Variants in GLDC observed in about 807,000 individuals in gnomAD.
GLDC encodes glycine dehydrogenase (decarboxylating), mitochondrial.
Under a neutral mutation model 121.3 loss-of-function variants are expected in GLDC, and 104 were observed. The observed-to-expected ratio is 0.86, with a 90% confidence interval of 0.73 to 1.01. The LOEUF (loss-of-function observed/expected upper bound fraction) is 1.01, where lower values mean the gene tolerates loss of function less well. Among genes scored for constraint, GLDC ranks in the 50% least tolerant of loss-of-function variants. The pLI, the probability that GLDC is intolerant of heterozygous loss-of-function variation, is 0.00. For synonymous variants in GLDC, 546 were observed against 480.6 expected (o/e 1.14, Z -1.78); for missense variants, 1,429 against 1,306.6 (o/e 1.09, Z -1.44).
intron 3 of GLDC, among the ~76,000 whole-genome samples, chr9:6,613,487 C>G (rs895002852): frequency 2.0e-5 from 3 of 152,136 alleles, no homozygotes; most frequent in Non-Finnish European, 4.4e-5. Context: ...GTTTTTGTAT[C>G]TTAACTTTTT....
intron 16 of GLDC, among the ~76,000 whole-genome samples, chr9:6,564,475 G>T (rs207470078): frequency 6.6e-6 from 1 of 152,142 alleles, no homozygotes; most frequent in African/African-American, 2.4e-5. Flanking sequence ...CTAAGATCGG[G>T]CCACTACCAC....
intron 3 of GLDC, among the ~76,000 whole-genome samples, chr9:6,617,682 T>A (rs754883401): frequency 1.2e-4 from 18 of 152,324 alleles, no homozygotes; most frequent in Non-Finnish European, 2.5e-4. Flanking sequence ...GGGACAGCAA[T>A]ACTGGAATGA....
intron 9 of GLDC, chr9:6,593,192 A>C: frequency 1.7e-6 from 1 of 576,286 alleles, no homozygotes; most frequent in South Asian, 2.1e-5. Context: ...AGAGTAAGGA[A>C]AATCAACATA....
rs1306326804 is a variant in GLDC at position 6,645,150 on chromosome 9, C to G, written c.255+95G>C. 4.2e-5 allele frequency: 54 copies of G among 1,271,244 alleles called. No homozygotes were observed. The Middle Eastern group carries it at 1.1e-3, about 25-fold the overall frequency. 78.7% of individuals were successfully genotyped at this position (1,271,244 alleles called of 1,614,324 possible). ...CCCAGGGTGCGGGGACCACGCGGAG[C>G]GCAGCAGAGCTCAGGGTAGGAGCCG... On this transcript the variant is annotated intron_variant, in intron 1 of 24. Transcript: ENST00000321612.
intron 15 of GLDC, among the ~76,000 whole-genome samples, chr9:6,582,074 G>T (rs13300660): frequency 5.3e-5 from 8 of 151,562 alleles, no homozygotes; most frequent in African/African-American, 1.7e-4. Context: ...AACTAGTCAG[G>T]TGTGGTAGCG....
chr9:6,628,894 C>A (rs143682213), intron 2 of GLDC, among the ~76,000 whole-genome samples: 6 of 152,252 alleles, frequency 3.9e-5, no homozygotes, highest in South Asian at 2.1e-4. Context: ...TCTTTTCTTG[C>A]AGAATAAATG....
At chr9:6,627,038 G>A (rs553472282) in intron 2 of GLDC, among the ~76,000 whole-genome samples, 1 of 152,284 alleles carries the variant, frequency 6.6e-6, no homozygotes, top group Non-Finnish European at 1.5e-5. Flanking sequence ...GCTCATGCCT[G>A]TAATCCCAGC....
At chr9:6,565,470 T>G in intron 15 of GLDC, 41 bp from the exon 16 acceptor site, 1 of 1,468,918 alleles carries the variant, frequency 6.8e-7, no homozygotes, top group Non-Finnish European at 9.5e-7. Flanking sequence ...TTAGGTCTTC[T>G]GGCTTTCATT....
intron 17 of GLDC, 145 bp from the exon 18 acceptor site, chr9:6,556,447 C>A (rs1587925075): frequency 6.0e-5 from 40 of 664,020 alleles, no homozygotes; most frequent in Admixed American, 9.9e-5. Flanking sequence ...ACAATGACAG[C>A]AATAAAAAAA....
At chr9:6,554,530 C>T in intron 19 of GLDC, 139 bp downstream of exon 19, 1 of 725,758 alleles carries the variant, frequency 1.4e-6, no homozygotes, top group South Asian at 1.5e-5. Flanking sequence ...TGCTGCTCCT[C>T]CCCCAGCCCC....
chr9:6,540,150 T>C lies in GLDC; in HGVS notation c.2570-4A>G, dbSNP rs765860929. The stretch of plus-strand genomic sequence containing the variant: ...ATAAATTCATGACCCACATAACCTG[T>C]TCAGGAAAGTTGTTTCAGCCCAAGA... On this transcript the variant is annotated splice_polypyrimidine_tract_variant and splice_region_variant and intron_variant, in intron 21 of 24. Transcript: ENST00000321612. The C allele has an allele frequency of 3.1e-6, 5 of 1,587,958 alleles. No homozygotes were observed. The highest frequency in any genetic ancestry group is 1.3e-5 in the African/African-American group (1 of 74,414).
At chr9:6,626,929 A>C (rs892642560) in intron 2 of GLDC, among the ~76,000 whole-genome samples, 4 of 152,208 alleles carry the variant, frequency 2.6e-5, no homozygotes, top group African/African-American at 9.7e-5. Flanking sequence ...GGGTCTCCAG[A>C]TACAAATCAG....
intron 15 of GLDC, among the ~76,000 whole-genome samples, chr9:6,577,917 A>T (rs1423131425): frequency 6.6e-6 from 1 of 151,376 alleles, no homozygotes; most frequent in African/African-American, 2.4e-5. Flanking sequence ...AAGTTGGTTT[A>T]AGATCTTTCT....
At position 6,618,872 on chromosome 9, in the gene GLDC, G is replaced by A. The variant is rs145566585; in HGVS notation, c.470+1312C>T. ...AAGTAGGAGTGACTTGGCTGGGCGC[G>A]GTGGCTCACGCCTGTAATCCCAGCC... On this transcript the variant is annotated intron_variant, in intron 3 of 24. Transcript: ENST00000321612. 2.9e-3 allele frequency among the ~76,000 whole-genome samples: 444 copies of A among 151,904 alleles called. 2 individuals are homozygous for A. The highest frequency in any genetic ancestry group is 0.01 in the African/African-American group (422 of 41,460).
chr9:6,553,805 C>A (rs530276832), intron 19 of GLDC, among the ~76,000 whole-genome samples: 6 of 152,266 alleles, frequency 3.9e-5, no homozygotes, highest in South Asian at 2.1e-4. Flanking sequence ...CTCCCACTCC[C>A]AGCCCCATTC....
chr9:6,587,012 C>A (rs1242713978), intron 15 of GLDC, 129 bp downstream of exon 15: 3 of 774,832 alleles, frequency 3.9e-6, no homozygotes, highest in African/African-American at 3.4e-5. Context: ...ATGCTCTCCC[C>A]AGTGGAGTGG....
Position 6,606,583 on chromosome 9 carries a change from A to G in GLDC, c.713+9T>C, listed in dbSNP as rs774647359. 1 of 1,532,576 alleles carries G rather than the reference A, an allele frequency of 6.5e-7. No individual in the cohort carries two copies. The highest frequency in any genetic ancestry group is 9.0e-7 in the Non-Finnish European group (1 of 1,105,846). 94.9% of individuals were successfully genotyped at this position (1,532,576 alleles called of 1,614,324 possible). A position where few individuals can be genotyped will look rare whatever the true frequency, so the allele number is the denominator to read the frequency against. On this transcript the variant is annotated intron_variant, in intron 5 of 24. Coordinates refer to ENST00000321612, the MANE Select transcript of GLDC (RefSeq NM_000170.3). ...ATACTGAGTTTAAAACACGAATCAAATTAATTACTTGGCTCGAGTCTGGAC... is the reference window on the plus strand; with the variant it reads ...ATACTGAGTTTAAAACACGAATCAAGTTAATTACTTGGCTCGAGTCTGGAC...
chr9:6,605,251 C>A lies in GLDC; in HGVS notation c.741G>T (p.Lys247Asn), dbSNP rs1818706348. 6.2e-7 allele frequency: 1 copy of A among 1,613,932 alleles called. No homozygotes were observed. The highest frequency in any genetic ancestry group is 8.5e-7 in the Non-Finnish European group (1 of 1,179,896). Residue 247 changes from lysine (K) to asparagine (N), a missense_variant, in exon 6 of 25, where the codon AAG becomes AAT. Coordinates refer to ENST00000321612, the MANE Select transcript of GLDC (RefSeq NM_000170.3). ...AKYTGVLTELKLPCEMDFSGK... is the reference protein window; with the variant it reads ...AKYTGVLTELNLPCEMDFSGK... ...CACTGAAGTCCATTTCACAGGGTAA[C>A]TTCAGCTCAGTGAGGACTCCAGTAT...
At chr9:6,643,145 GCCTAGA>G (rs1819661938) in intron 2 of GLDC, among the ~76,000 whole-genome samples, 1 of 151,968 alleles carries the variant, frequency 6.6e-6, no homozygotes, top group African/African-American at 2.4e-5. Context: ...CGATCCACCT[GCCTAGA>G]CCTCCCAAAA....
Sources: allele counts gnomAD v4.1 joint callset (sites outside exome capture counted in the v4.1 genomes callset), GRCh38; gene constraint gnomAD v4.1.1; transcripts MANE v1.5; gene names NCBI Gene and HGNC (gene_info 2026-07-23, HGNC 2026-07-21).